Variants in SCP2 observed in about 807,000 individuals in gnomAD.
SCP2 encodes the protein SCP-2/3-oxoacyl-CoA thiolase.
Under a neutral mutation model 71.4 loss-of-function variants are expected in SCP2, and 48 were observed. That is an observed-to-expected ratio of 0.67 (90% CI 0.53 to 0.86). The LOEUF (loss-of-function observed/expected upper bound fraction) is 0.86. Ranked by LOEUF, SCP2 falls within the 40% of genes least tolerant of loss-of-function variation. The pLI, the probability that SCP2 is intolerant of heterozygous loss-of-function variation, is 0.00. For synonymous variants in SCP2, 220 were observed against 218.1 expected (o/e 1.01, Z -0.08); for missense variants, 560 against 655.6 (o/e 0.85, Z 1.59).
intron 10 of SCP2, among the ~76,000 whole-genome samples, chr1:52,985,882 A>C (rs1013843972): frequency 6.7e-6 from 1 of 150,092 alleles, no homozygotes; most frequent in African/African-American, 2.4e-5. Flanking sequence ...AATATAAACC[A>C]CTCACCTCCA....
intron 7 of SCP2, among the ~76,000 whole-genome samples, chr1:52,976,034 T>G (rs1256897715): frequency 1.3e-5 from 2 of 152,194 alleles, no homozygotes; most frequent in African/African-American, 2.4e-5. Context: ...TACAGTTTTA[T>G]TATAAAGGAT....
intron 5 of SCP2, among the ~76,000 whole-genome samples, chr1:52,959,429 A>G (rs1345593980): frequency 6.6e-6 from 1 of 151,860 alleles, no homozygotes; most frequent in Non-Finnish European, 1.5e-5. Context: ...TCCCGACCTC[A>G]GGTGATCCAC....
chr1:53,026,548 C>A (rs538980668), intron 12 of SCP2, among the ~76,000 whole-genome samples: 1 of 152,352 alleles, frequency 6.6e-6, no homozygotes, highest in South Asian at 2.1e-4. Flanking sequence ...TGGCTCACAT[C>A]TGTAATCTCA....
At chr1:53,007,086 C>T (rs1168003846) in intron 11 of SCP2, among the ~76,000 whole-genome samples, 1 of 152,122 alleles carries the variant, frequency 6.6e-6, no homozygotes, top group African/African-American at 2.4e-5. Flanking sequence ...GATAACTATC[C>T]TAAATATATA....
At chr1:53,021,718 C>T (rs1272037163) in intron 12 of SCP2, among the ~76,000 whole-genome samples, 1 of 149,144 alleles carries the variant, frequency 6.7e-6, no homozygotes, top group East Asian at 2.0e-4. Context: ...GATCTCATCT[C>T]ACTACAATCT....
chr1:52,937,492 T>C (rs1229187493), intron 1 of SCP2, among the ~76,000 whole-genome samples: 1 of 152,254 alleles, frequency 6.6e-6, no homozygotes, highest in African/African-American at 2.4e-5. Flanking sequence ...TTCTGACTTC[T>C]GACCTTTAAT....
chr1:52,999,585 T>C (rs1020441228), intron 11 of SCP2, among the ~76,000 whole-genome samples: 30 of 152,170 alleles, frequency 2.0e-4, no homozygotes, highest in Admixed American at 1.8e-3. Context: ...TAAAAGAAAA[T>C]TGTAGTTTTC....
At chr1:53,042,564 T>G (rs770061067) in intron 14 of SCP2, among the ~76,000 whole-genome samples, 4 of 152,166 alleles carry the variant, frequency 2.6e-5, no homozygotes, top group Admixed American at 6.5e-5. Flanking sequence ...TGACACTTAT[T>G]GGCAGCCAAG....
intron 4 of SCP2, among the ~76,000 whole-genome samples, chr1:52,952,191 T>C (rs893105517): frequency 2.0e-5 from 3 of 152,192 alleles, no homozygotes; most frequent in Non-Finnish European, 4.4e-5. Context: ...TGGATTTTCA[T>C]ATTCTGAATA....
Position 53,009,332 on chromosome 1 carries a change from C to A in SCP2, c.1082-5558C>A, listed in dbSNP as rs188151889. 2.7e-3 allele frequency among the ~76,000 whole-genome samples: 410 copies of A among 152,160 alleles called. 3 individuals carry two copies. Among genetic ancestry groups the A allele is most frequent in the African/African-American group, 9.3e-3 (384 of 41,512 alleles). ...CCGCATTGCCAAGACAATCCTAAGCCAAAAGAACAAAGCTGGAGGCATCAC... is the reference window on the plus strand; with the variant it reads ...CCGCATTGCCAAGACAATCCTAAGCAAAAAGAACAAAGCTGGAGGCATCAC... On this transcript the variant is annotated intron_variant, in intron 11 of 15. Coordinates refer to ENST00000371514, the MANE Select transcript of SCP2 (RefSeq NM_002979.5).
chr1:53,008,719 C>G (rs1179261332), intron 11 of SCP2, among the ~76,000 whole-genome samples: 1 of 152,132 alleles, frequency 6.6e-6, no homozygotes. Flanking sequence ...CAAACTGGCA[C>G]AAGACAGGAA....
intron 11 of SCP2, among the ~76,000 whole-genome samples, chr1:52,991,546 A>G (rs1036872995): frequency 5.9e-5 from 9 of 152,180 alleles, no homozygotes; most frequent in African/African-American, 1.9e-4. Context: ...GATTATGGGC[A>G]TGTGCCACCA....
chr1:53,024,572 T>TTC (rs1176030279), intron 12 of SCP2, among the ~76,000 whole-genome samples: 6 of 142,090 alleles, frequency 4.2e-5, no homozygotes, highest in East Asian at 4.2e-4. Context: ...TCTTTCTTTT[T>TTC]TTTTCTTTTT....
chr1:52,939,249 A>G (rs566117987), intron 1 of SCP2, among the ~76,000 whole-genome samples: 1 of 152,314 alleles, frequency 6.6e-6, no homozygotes, highest in African/African-American at 2.4e-5. Context: ...TAAAGCTAGT[A>G]TAAACATCTG....
chr1:52,982,981 T>C (rs1351221660), intron 10 of SCP2, among the ~76,000 whole-genome samples: 7 of 152,232 alleles, frequency 4.6e-5, no homozygotes, highest in Non-Finnish European at 1.0e-4. Flanking sequence ...TGTAATCATT[T>C]TCTTTAGCCT....
chr1:52,988,117 A>G lies in SCP2; in HGVS notation c.1062A>G (p.Gly354=). The G allele has an allele frequency of 6.4e-7, 1 of 1,570,376 alleles. No individual in the cohort carries two copies. Among genetic ancestry groups the G allele is most frequent in the South Asian group, 1.1e-5 (1 of 90,200 alleles). ...INPSGGLISK[G]HPLGATGLAQ... ...CTAGTGGTGGACTGATTTCAAAGGG[A>G]CACCCACTAGGCGCTACAGGTAATG... Residue 354 remains glycine (G), a synonymous_variant, in exon 11 of 16, where the codon GGA becomes GGG. Transcript: ENST00000371514.
chr1:53,002,100 C>T (rs1022851638), intron 11 of SCP2, among the ~76,000 whole-genome samples: 2 of 151,212 alleles, frequency 1.3e-5, no homozygotes, highest in African/African-American at 2.4e-5. Context: ...AGGAGAATGG[C>T]GTGAGCCTGG....
intron 11 of SCP2, among the ~76,000 whole-genome samples, chr1:53,013,367 C>A (rs907959929): frequency 1.4e-5 from 2 of 144,594 alleles, no homozygotes; most frequent in Non-Finnish European, 3.0e-5. Context: ...GGGCAGATCA[C>A]GAGGTCAGGA....
intron 2 of SCP2, among the ~76,000 whole-genome samples, chr1:52,946,076 A>T (rs1355413718): frequency 2.0e-5 from 3 of 150,242 alleles, no homozygotes; most frequent in Admixed American, 6.7e-5. Flanking sequence ...CCACAGACGC[A>T]CACCACCACG....
Sources: allele counts gnomAD v4.1 joint callset (sites outside exome capture counted in the v4.1 genomes callset), GRCh38; gene constraint gnomAD v4.1.1; transcripts MANE v1.5; gene names NCBI Gene and HGNC (gene_info 2026-07-23, HGNC 2026-07-21).